Variants in SKP2 observed in about 807,000 individuals in gnomAD.
SKP2 encodes the protein S-phase kinase-associated protein 2.
SKP2 carries 16 observed loss-of-function variants against 51.8 expected under a neutral mutation model. The ratio of observed to expected loss-of-function variants is 0.31; its 90% CI spans 0.21 to 0.47. SKP2 has a LOEUF of 0.47. Among genes scored for constraint, SKP2 ranks in the 20% least tolerant of loss-of-function variants. The pLI is 1.00. For missense variants in SKP2, 377 were observed against 505.3 expected (o/e 0.75, Z 2.43); for synonymous variants, 176 against 198.6 (o/e 0.89, Z 0.96).
At chr5:36,189,101 C>T (rs577280605), downstream of SKP2, among the ~76,000 whole-genome samples, 4 of 152,296 alleles carry the variant, frequency 2.6e-5, no homozygotes, top group Admixed American at 2.6e-4. Flanking sequence ...CTTCTCTACA[C>T]TGGTTATTCT....
Position 36,182,337 on chromosome 5 carries a change from T to A in SKP2, c.*306T>A. The A allele has an allele frequency of 9.0e-7, 1 of 1,110,948 alleles. No homozygotes were observed. Among genetic ancestry groups the A allele is most frequent in the Non-Finnish European group, 1.1e-6 (1 of 908,932 alleles). 68.8% of individuals were successfully genotyped at this position (1,110,948 alleles called of 1,614,324 possible). On this transcript the variant is annotated 3_prime_UTR_variant, in exon 10 of 10. Coordinates refer to ENST00000274255, the MANE Select transcript of SKP2 (RefSeq NM_005983.4). ...TTGAGCCACCTCTTCCAAGTGCCCT[T>A]CTTACTAAGTCTATTCAGAATCAAG...
chr5:36,153,409 T>C (rs1221554879), intron 2 of SKP2, among the ~76,000 whole-genome samples: 1 of 152,180 alleles, frequency 6.6e-6, no homozygotes, highest in African/African-American at 2.4e-5. Flanking sequence ...TTTGTACCCC[T>C]GAGTGATCTT....
rs77630401 is a variant in SKP2 at position 36,181,365 on chromosome 5, A to G, written c.1062-453A>G. ...TGACAGCATCTCCCTTTAAGAGATG[A>G]GCCTAGTTCAAATAAAGGTCAAGTT... On this transcript the variant is annotated intron_variant, in intron 9 of 9. Coordinates refer to ENST00000274255, the MANE Select transcript of SKP2 (RefSeq NM_005983.4). 1.6e-3 allele frequency among the ~76,000 whole-genome samples: 238 copies of G among 152,336 alleles called. 4 individuals carry two copies. The East Asian group carries it at 0.044, about 28-fold the overall frequency.
At chr5:36,191,652 T>C (rs1746027527) in intron 6 of SKP2, among the ~76,000 whole-genome samples, 1 of 152,088 alleles carries the variant, frequency 6.6e-6, no homozygotes, top group African/African-American at 2.4e-5. Context: ...ATCCACAATG[T>C]GCAGGATACA....
intron 2 of SKP2, among the ~76,000 whole-genome samples, chr5:36,159,376 T>G (rs963836577): frequency 2.0e-5 from 3 of 152,324 alleles, no homozygotes; most frequent in Non-Finnish European, 4.4e-5. Flanking sequence ...GCACCAAGTT[T>G]GTTAATTTAT....
chr5:36,185,740 T>C (rs6866069), downstream of SKP2, among the ~76,000 whole-genome samples: 9,159 of 152,244 alleles, frequency 0.06, 977 homozygotes, highest in African/African-American at 0.21. Context: ...ATACGGGCTC[T>C]TTTTTGGTTC....
At chr5:36,152,309 C>T (rs925076237) in intron 1 of SKP2, 39 bp downstream of exon 1, 4 of 1,592,628 alleles carry the variant, frequency 2.5e-6, no homozygotes, top group Non-Finnish European at 2.6e-6. Context: ...ATGAAATGGA[C>T]CCTCTTAATA....
At chr5:36,188,385 G>A (rs1457823715), downstream of SKP2, among the ~76,000 whole-genome samples, 3 of 152,344 alleles carry the variant, frequency 2.0e-5, no homozygotes, top group Admixed American at 2.0e-4. Context: ...TCCTTTCCAT[G>A]TTTAGTGCTT....
downstream of SKP2, among the ~76,000 whole-genome samples, chr5:36,189,125 T>C (rs1423997000): frequency 6.6e-6 from 1 of 152,188 alleles, no homozygotes; most frequent in East Asian, 1.9e-4. Context: ...TAGCCATTCG[T>C]CTAATCTTTT....
chr5:36,153,734 G>A (rs1314919421), intron 2 of SKP2, among the ~76,000 whole-genome samples: 1 of 152,096 alleles, frequency 6.6e-6, no homozygotes, highest in Middle Eastern at 3.2e-3. Context: ...CTTCTCCCCA[G>A]ATCTATCCCC....
intron 1 of SKP2, 69 bp downstream of exon 1, chr5:36,152,339 A>T: frequency 7.2e-7 from 1 of 1,386,644 alleles, no homozygotes; most frequent in Non-Finnish European, 1.0e-6. Flanking sequence ...GGCCGCGAAT[A>T]TCGCTACTGG....
At chr5:36,184,989 T>C (rs887923914), downstream of SKP2, among the ~76,000 whole-genome samples, 7 of 152,244 alleles carry the variant, frequency 4.6e-5, no homozygotes, top group African/African-American at 1.7e-4. Flanking sequence ...ATTGTGGTTT[T>C]GATTTGCATT....
intron 9 of SKP2, among the ~76,000 whole-genome samples, chr5:36,180,881 C>T (rs772030523): frequency 3.9e-5 from 6 of 152,104 alleles, no homozygotes; most frequent in Non-Finnish European, 7.4e-5. Context: ...TGTTGAAATT[C>T]CAAAATAAAT....
rs762368919 is a variant in SKP2, at chr5:36,183,904, A to G, written c.*1873A>G. The G allele has an allele frequency of 1.2e-6, 2 of 1,611,386 alleles. No homozygotes were observed. Among genetic ancestry groups the G allele is most frequent in the Non-Finnish European group, 1.7e-6 (2 of 1,179,602 alleles). On this transcript the variant is annotated 3_prime_UTR_variant, in exon 10 of 10. Transcript: ENST00000274255. ...TGACATCGGATGCCCTCAAACATAC[A>G]GAACTTCCAAACTCAAGTCCAGCCA...
chr5:36,179,154 G>A (rs1392063027), intron 9 of SKP2, among the ~76,000 whole-genome samples: 5 of 152,116 alleles, frequency 3.3e-5, no homozygotes. Flanking sequence ...ATTTCTTTAG[G>A]TATTGTGTAA....
At chr5:36,152,651 G>T in intron 1 of SKP2, 120 bp from the exon 2 acceptor site, 4 of 1,064,062 alleles carry the variant, frequency 3.8e-6, no homozygotes, top group Non-Finnish European at 4.1e-6. Flanking sequence ...TAAAAAATGC[G>T]ATTCTGTTAG....
intron 3 of SKP2, 129 bp from the exon 4 acceptor site, chr5:36,166,390 A>T (rs1012291072): frequency 6.5e-6 from 5 of 770,382 alleles, no homozygotes; most frequent in Admixed American, 2.5e-5. Flanking sequence ...CCAACTTAAA[A>T]ACAAAAGTTC....
chr5:36,168,210 GT>G, intron 4 of SKP2, 102 bp from the exon 5 acceptor site: 1 of 1,054,164 alleles, frequency 9.5e-7, no homozygotes, highest in Non-Finnish European at 1.4e-6. Flanking sequence ...TTAGAGTCTT[GT>G]TTGTGATTGG....
Position 36,182,067 on chromosome 5 carries a change from C to T in SKP2, c.*36C>T. 6.2e-7 allele frequency: 1 copy of T among 1,605,018 alleles called. No individual in the cohort carries two copies. Among genetic ancestry groups the T allele is most frequent in the Non-Finnish European group, 8.5e-7 (1 of 1,174,304 alleles). ...GCAGGATGGTGTCTCTTCTTTAGAA[C>T]AGGGAAAATAGGCAGGAAGCCCAAT... On this transcript the variant is annotated 3_prime_UTR_variant, in exon 10 of 10. Coordinates refer to ENST00000274255, the MANE Select transcript of SKP2 (RefSeq NM_005983.4).
Sources: allele counts gnomAD v4.1 joint callset (sites outside exome capture counted in the v4.1 genomes callset), GRCh38; gene constraint gnomAD v4.1.1; transcripts MANE v1.5; gene names NCBI Gene and HGNC (gene_info 2026-07-23, HGNC 2026-07-21).